Variants in CDH4 observed in about 807,000 individuals in gnomAD.
The protein encoded by CDH4 is cadherin 4.
CDH4 carries 33 observed loss-of-function variants against 86.0 expected under a neutral mutation model. The observed-to-expected ratio is 0.38, with a 90% CI of 0.29 to 0.51. CDH4 has a LOEUF of 0.51. Among genes scored for constraint, CDH4 ranks in the 20% least tolerant of loss-of-function variants. The pLI is 0.86. For missense variants in CDH4, 1,114 were observed against 1,307.4 expected, an observed-to-expected ratio of 0.85 and a Z score of 2.28; for synonymous variants, 555 against 549.4, an observed-to-expected ratio of 1.01 and a Z score of -0.14.
intron 2 of CDH4, among the ~76,000 whole-genome samples, chr20:61,532,792 T>C (rs11204431): frequency 0.42 from 63,371 of 151,914 alleles, 17,683 homozygotes; most frequent in African/African-American, 0.8. Flanking sequence ...ATGAAAGGCA[T>C]GTGATGAGTT....
At chr20:61,561,981 C>T (rs575955509) in intron 2 of CDH4, among the ~76,000 whole-genome samples, 11 of 150,500 alleles carry the variant, frequency 7.3e-5, no homozygotes, top group African/African-American at 2.5e-4. Flanking sequence ...GAGAGAGGGA[C>T]CTTCGTGTGG....
intron 2 of CDH4, among the ~76,000 whole-genome samples, chr20:61,435,305 C>T (rs936237011): frequency 1.3e-5 from 2 of 152,222 alleles, no homozygotes; most frequent in African/African-American, 4.8e-5. Context: ...GCAACGTAAC[C>T]TGCCCCAGGA....
intron 2 of CDH4, among the ~76,000 whole-genome samples, chr20:61,543,009 G>T (rs1204678823): frequency 6.6e-6 from 1 of 152,234 alleles, no homozygotes; most frequent in Non-Finnish European, 1.5e-5. Context: ...GGAAGGACTT[G>T]GAGTCTGATG....
intron 4 of CDH4, among the ~76,000 whole-genome samples, chr20:61,795,710 C>T (rs934159027): frequency 6.6e-6 from 1 of 152,124 alleles, no homozygotes; most frequent in Non-Finnish European, 1.5e-5. Context: ...GAGGCGGGGC[C>T]AGGAGTGTGG....
At chr20:61,930,477 C>A (rs1261255826) in intron 13 of CDH4, among the ~76,000 whole-genome samples, 1 of 152,140 alleles carries the variant, frequency 6.6e-6, no homozygotes, top group Non-Finnish European at 1.5e-5. Flanking sequence ...TCACCGTGGT[C>A]TGTGATACCC....
intron 2 of CDH4, among the ~76,000 whole-genome samples, chr20:61,513,990 G>A (rs2085798892): frequency 6.6e-6 from 1 of 152,232 alleles, no homozygotes; most frequent in Non-Finnish European, 1.5e-5. Context: ...AATGGGCAAC[G>A]CCCACTGGAG....
intron 6 of CDH4, among the ~76,000 whole-genome samples, chr20:61,860,822 C>T (rs1983289828): frequency 6.6e-6 from 1 of 152,134 alleles, no homozygotes; most frequent in South Asian, 2.1e-4. Flanking sequence ...AGGGCTCCTC[C>T]TGCAGGATCC....
intron 2 of CDH4, among the ~76,000 whole-genome samples, chr20:61,661,968 G>A (rs1398661226): frequency 6.6e-6 from 1 of 152,152 alleles, no homozygotes; most frequent in African/African-American, 2.4e-5. Context: ...AACTCCCTGT[G>A]AACCTCAAAT....
chr20:61,933,928 A>G, intron 14 of CDH4, 128 bp from the exon 15 acceptor site: 1 of 1,021,140 alleles, frequency 9.8e-7, no homozygotes, highest in Non-Finnish European at 1.5e-6. Context: ...GTTCTGTGGG[A>G]TGCTTGGAGA....
At chr20:61,284,470 G>A (rs1287107001) in intron 2 of CDH4, among the ~76,000 whole-genome samples, 1 of 152,216 alleles carries the variant, frequency 6.6e-6, no homozygotes, top group African/African-American at 2.4e-5. Context: ...CAGCTTCTGG[G>A]TCTGTCCAGC....
At chr20:61,482,291 G>T (rs901412095) in intron 2 of CDH4, among the ~76,000 whole-genome samples, 3 of 152,192 alleles carry the variant, frequency 2.0e-5, no homozygotes, top group East Asian at 1.9e-4. Context: ...GTACGTGTCT[G>T]CCCAGACTGC....
chr20:61,608,159 C>T (rs868013327), intron 2 of CDH4, among the ~76,000 whole-genome samples: 6 of 152,286 alleles, frequency 3.9e-5, no homozygotes, highest in Middle Eastern at 3.4e-3. Flanking sequence ...AAGCCACACC[C>T]GCTGCGGAGT....
chr20:61,559,981 T>C (rs1420518879), intron 2 of CDH4, among the ~76,000 whole-genome samples: 3 of 152,190 alleles, frequency 2.0e-5, no homozygotes. Context: ...GTCTCAACCA[T>C]GGACCCTCTG....
chr20:61,640,309 C>T (rs987778538), intron 2 of CDH4, among the ~76,000 whole-genome samples: 3 of 152,228 alleles, frequency 2.0e-5, no homozygotes, highest in Admixed American at 1.3e-4. Context: ...GCCTGGCTCA[C>T]GGCCGATGCA....
intron 4 of CDH4, among the ~76,000 whole-genome samples, chr20:61,802,463 A>G (rs540392850): frequency 6.8e-4 from 103 of 152,266 alleles, no homozygotes; most frequent in African/African-American, 2.4e-3. Flanking sequence ...GGGTGGCCCC[A>G]TCGTCCCTGT....
At chr20:61,693,047 C>T (rs940163835) in intron 2 of CDH4, among the ~76,000 whole-genome samples, 17 of 152,228 alleles carry the variant, frequency 1.1e-4, no homozygotes, top group Admixed American at 7.8e-4. Flanking sequence ...AGCTGGGTCT[C>T]GAATGGCTAT....
At chr20:61,283,827 A>G (rs1185213552) in intron 2 of CDH4, among the ~76,000 whole-genome samples, 1 of 152,218 alleles carries the variant, frequency 6.6e-6, no homozygotes, top group Non-Finnish European at 1.5e-5. Flanking sequence ...ACGATGTTTC[A>G]GAAAGGTGGT....
intron 2 of CDH4, among the ~76,000 whole-genome samples, chr20:61,490,772 G>T (rs2085621931): frequency 6.6e-6 from 1 of 152,146 alleles, no homozygotes; most frequent in Admixed American, 6.5e-5. Flanking sequence ...CCTGGACTGA[G>T]CAGGCCCTGC....
chr20:61,258,324 C>G (rs1225775014), intron 2 of CDH4, among the ~76,000 whole-genome samples: 1 of 3,766 alleles, frequency 2.7e-4, no homozygotes, highest in Admixed American at 8.6e-3. Context: ...AACGAGACTC[C>G]GTCTCAAAAA....
Sources: gnomAD v4.1 joint callset for allele counts (sites outside exome capture counted in the v4.1 genomes callset) on GRCh38, gnomAD v4.1.1 for gene constraint, MANE v1.5 for transcripts, NCBI Gene and HGNC (gene_info 2026-07-23, HGNC 2026-07-21) for gene names.